Variants in ABHD2 observed in about 807,000 individuals in gnomAD.
ABHD2 encodes monoacylglycerol lipase ABHD2.
Under a neutral mutation model 48.1 loss-of-function variants are expected in ABHD2, and 20 were observed. That is an observed-to-expected ratio of 0.42 (90% confidence interval 0.29 to 0.60). The LOEUF (loss-of-function observed/expected upper bound fraction) is 0.60, where lower values mean the gene tolerates loss of function less well. ABHD2 is among the 20% of genes least tolerant of loss of function. ABHD2 has a pLI of 0.24. For missense variants in ABHD2, 405 were observed against 550.9 expected, an observed-to-expected ratio of 0.74 and a Z score of 2.65; for synonymous variants, 209 against 214.2, an observed-to-expected ratio of 0.98 and a Z score of 0.21.
intron 1 of ABHD2, among the ~76,000 whole-genome samples, chr15:89,108,472 T>C (rs1183821965): frequency 6.6e-6 from 1 of 152,224 alleles, no homozygotes; most frequent in Non-Finnish European, 1.5e-5. Context: ...CTTAACTTGA[T>C]TACATTTGCA....
intron 8 of ABHD2, among the ~76,000 whole-genome samples, chr15:89,190,638 A>G (rs774536988): frequency 1.9e-4 from 29 of 152,186 alleles, no homozygotes; most frequent in Non-Finnish European, 3.7e-4. Flanking sequence ...ATAGATAACA[A>G]TTACTACAGG....
chr15:89,093,242 G>A (rs868226251), intron 1 of ABHD2, among the ~76,000 whole-genome samples: 13 of 139,572 alleles, frequency 9.3e-5, no homozygotes, highest in East Asian at 4.3e-4. Context: ...GTGCAGTGGC[G>A]CAATCTTGGC....
At chr15:89,135,143 C>CTTTTCT (rs1555429068) in intron 3 of ABHD2, among the ~76,000 whole-genome samples, 5,705 of 112,104 alleles carry the variant, frequency 0.051, 495 homozygotes, top group African/African-American at 0.16. Context: ...ACAACTTTTT[C>CTTTTCT]TTTTTTTTTT....
Position 89,175,921 on chromosome 15 carries a change from C to T in ABHD2, c.648C>T (p.Tyr216=). 6.2e-7 allele frequency: 1 copy of T among 1,614,096 alleles called. No homozygotes were observed. The highest frequency in any genetic ancestry group is 8.5e-7 in the Non-Finnish European group (1 of 1,180,000). The change falls in exon 6 of 11, where the codon TAC becomes TAT. Residue 216 remains tyrosine (Y), a synonymous_variant. Transcript: ENST00000352732. The surrounding 1 kb of genome is among the most constrained non-coding windows in gnomAD (Gnocchi z 5.7). ...FSLGGNIVCK[Y]LGETQANQEK... ...TGGGTGGTAACATTGTGTGCAAATA[C>T]TTGGGGGAGACTCAGGCAAACCAAG...
At chr15:89,131,984 G>A (rs2050226935) in intron 3 of ABHD2, among the ~76,000 whole-genome samples, 1 of 152,286 alleles carries the variant, frequency 6.6e-6, no homozygotes, top group Non-Finnish European at 1.5e-5. Flanking sequence ...TCATCTCTCA[G>A]GGGCAGGAGT....
chr15:89,200,877 T>G lies in ABHD2; in HGVS notation c.*5454T>G, dbSNP rs1596176157. 1 of 369,460 alleles carries G rather than the reference T, an allele frequency of 2.7e-6. No homozygotes were observed. 22.9% of individuals were successfully genotyped at this position (369,460 alleles called of 1,614,324 possible). A position where few individuals can be genotyped will look rare whatever the true frequency, so the allele number is the denominator to read the frequency against. Reference sequence around the variant, plus strand: ...CGGGTAGATCACCTGAGGTTAGGAGTTCAAGACCAGCCTGGCCAACATGGT... The same window carrying G: ...CGGGTAGATCACCTGAGGTTAGGAGGTCAAGACCAGCCTGGCCAACATGGT... On this transcript the variant is annotated 3_prime_UTR_variant, in exon 11 of 11. Transcript: ENST00000352732.
At position 89,185,478 on chromosome 15, in the gene ABHD2, C is replaced by T; in HGVS notation, c.777C>T (p.Leu259=). 1 of 1,614,142 alleles carries T rather than the reference C, an allele frequency of 6.2e-7. No homozygotes were observed. Among genetic ancestry groups the T allele is most frequent in the Non-Finnish European group, 8.5e-7 (1 of 1,180,006 alleles). Residue 259 remains leucine, a synonymous_variant, in exon 7 of 11, where the codon CTC becomes CTT. Coordinates refer to ENST00000352732, the MANE Select transcript of ABHD2 (RefSeq NM_152924.5). This position sits in a 1 kb window ranked among gnomAD's most constrained non-coding sequence, Gnocchi z 5.9. ...WDQCRRFYNF[L]MADNMKKIIL... ...AGTGCCGGCGGTTCTACAACTTCCT[C>T]ATGGCTGACAACATGAAGAAGATCA...
At chr15:89,080,759 A>G in the ABHD2 span, among the ~76,000 whole-genome samples, 16 of 150,810 alleles carry the variant, frequency 1.1e-4, no homozygotes, top group Non-Finnish European at 2.4e-4. Context: ...CAGTGGCCCA[A>G]TCTCAACTCA....
chr15:89,120,314 T>G lies in ABHD2; in HGVS notation c.194+3793T>G, dbSNP rs1452506992. 6.6e-6 allele frequency among the ~76,000 whole-genome samples: 1 copy of G among 152,208 alleles called. No individual in the cohort carries two copies. Among genetic ancestry groups the G allele is most frequent in the Admixed American group, 6.5e-5 (1 of 15,278 alleles). ...CCTAGTGATTCATTTTTTGTTCTCA[T>G]GAAGTGTTTACTTTTAGTGAAACAA... On this transcript the variant is annotated intron_variant, in intron 3 of 10. Transcript: ENST00000352732. This position sits in a 1 kb window ranked among gnomAD's most constrained non-coding sequence, Gnocchi z 4.2.
At chr15:89,162,857 G>T (rs113872091) in intron 5 of ABHD2, among the ~76,000 whole-genome samples, 1 of 152,162 alleles carries the variant, frequency 6.6e-6, no homozygotes, top group Non-Finnish European at 1.5e-5. Context: ...GGCAGTTTTC[G>T]CACTCCCTGC....
the ABHD2 span, among the ~76,000 whole-genome samples, chr15:89,050,843 C>T: frequency 6.6e-6 from 1 of 152,128 alleles, no homozygotes; most frequent in Admixed American, 6.5e-5. Flanking sequence ...GGAAAGGAGG[C>T]TGCATGCAGG....
At chr15:89,127,728 T>TATATATATATACAC (rs1567080129) in intron 3 of ABHD2, among the ~76,000 whole-genome samples, 4 of 144,630 alleles carry the variant, frequency 2.8e-5, no homozygotes, top group African/African-American at 1.1e-4. Flanking sequence ...TACACATATA[T>TATATATATATACAC]ATATATATAT....
At chr15:89,045,988 A>C in the ABHD2 span, among the ~76,000 whole-genome samples, 1 of 152,214 alleles carries the variant, frequency 6.6e-6, no homozygotes, top group African/African-American at 2.4e-5. Context: ...TTTCAAAGGA[A>C]ATGCTTCCAG....
At position 89,201,405 on chromosome 15, in the gene ABHD2, A is replaced by G. The variant is rs781731032; in HGVS notation, c.*5982A>G. The stretch of plus-strand genomic sequence containing the variant: ...GCTTTGCTGGGTTCCATGTCATTCA[A>G]TTTATCATTTTCATTGGGGATCTCC... On this transcript the variant is annotated 3_prime_UTR_variant, in exon 11 of 11. Transcript: ENST00000352732. 1.2e-5 allele frequency: 15 copies of G among 1,244,524 alleles called. No individual in the cohort carries two copies. The highest frequency in any genetic ancestry group is 1.0e-4 in the African/African-American group (7 of 66,726). 77.1% of individuals were successfully genotyped at this position (1,244,524 alleles called of 1,614,324 possible).
rs767002899 is a variant in ABHD2, at chr15:89,116,321, G to A, written c.-6-1G>A. The A allele has an allele frequency of 6.2e-7, 1 of 1,612,446 alleles. No homozygotes were observed. The highest frequency in any genetic ancestry group is 8.5e-7 in the Non-Finnish European group (1 of 1,178,900). ...CTTAGACCTGTGCCTCTGCTCCCCA[G>A]ATCAAGATGAATGCCATGCTGGAGA... is the stretch of plus-strand genomic sequence containing the variant. On this transcript the variant is annotated splice_acceptor_variant, in intron 2 of 10. Coordinates refer to ENST00000352732, the MANE Select transcript of ABHD2 (RefSeq NM_152924.5). LOFTEE classifies it low-confidence loss of function (5UTR_SPLICE). This position sits in a 1 kb window ranked among gnomAD's most constrained non-coding sequence, Gnocchi z 4.6.
chr15:89,134,503 T>C (rs1051303346), intron 3 of ABHD2, among the ~76,000 whole-genome samples: 2 of 152,212 alleles, frequency 1.3e-5, no homozygotes, highest in African/African-American at 2.4e-5. Context: ...CCTGAACATA[T>C]ACCATCAGCA....
rs1270195938 is a variant in ABHD2, at chr15:89,201,066, G to C, written c.*5643G>C. 10 of 799,238 alleles carry C rather than the reference G, an allele frequency of 1.3e-5. No individual in the cohort carries two copies. Among genetic ancestry groups the C allele is most frequent in the Non-Finnish European group, 2.0e-5 (9 of 457,872 alleles). The allele number at this position is 799,238 out of a possible 1,614,324, so 49.5% of individuals were successfully genotyped here. A position where few individuals can be genotyped will look rare whatever the true frequency, so the allele number is the denominator to read the frequency against. On this transcript the variant is annotated 3_prime_UTR_variant, in exon 11 of 11. Coordinates refer to ENST00000352732, the MANE Select transcript of ABHD2 (RefSeq NM_152924.5). Reference sequence around the variant, plus strand: ...CTCTGCACTCCAGCCTGGGCAACAAGAGTGAGACTCCGTCTCCAAAAAAAG... The same window carrying C: ...CTCTGCACTCCAGCCTGGGCAACAACAGTGAGACTCCGTCTCCAAAAAAAG...
intron 1 of ABHD2, among the ~76,000 whole-genome samples, chr15:89,107,841 G>T (rs1567069835): frequency 6.6e-6 from 1 of 152,152 alleles, no homozygotes; most frequent in South Asian, 2.1e-4. Context: ...GTTGTGCTAG[G>T]TCCTTGAGGG....
intron 6 of ABHD2, among the ~76,000 whole-genome samples, chr15:89,180,413 C>T (rs1206115543): frequency 6.6e-6 from 1 of 152,172 alleles, no homozygotes; most frequent in Non-Finnish European, 1.5e-5. Flanking sequence ...AGTCTGAAGT[C>T]CATCTTTCTG....
Sources: allele counts gnomAD v4.1 joint callset (sites outside exome capture counted in the v4.1 genomes callset), GRCh38; gene constraint gnomAD v4.1.1; non-coding constraint Gnocchi (gnomAD v3.1); transcripts MANE v1.5; gene names NCBI Gene and HGNC (gene_info 2026-07-23, HGNC 2026-07-21).